The following VSTM2B variants were observed in gnomAD, a reference collection of about 807,000 sequenced individuals.
VSTM2B encodes the protein V-set and transmembrane domain containing 2B.
A neutral mutation model predicts 24.0 loss-of-function variants in VSTM2B; 24 were observed. The ratio of observed to expected loss-of-function variants is 1.00; its 90% CI spans 0.72 to 1.40. VSTM2B has a LOEUF of 1.40. VSTM2B is among the 40% of genes most tolerant of loss of function. VSTM2B has a pLI of 0.00. For missense variants in VSTM2B, 399 were observed against 416.4 expected, an observed-to-expected ratio of 0.96 and a Z score of 0.36; for synonymous variants, 226 against 194.4, an observed-to-expected ratio of 1.16 and a Z score of -1.35.
intron 3 of VSTM2B, chr19:29,529,159 G>A (rs997865489): frequency 6.7e-5 from 66 of 983,450 alleles, no homozygotes; most frequent in Admixed American, 1.2e-4. Context: ...TCCCCACCGG[G>A]GCGCAGGGGA....
chr19:29,527,167 C>A (rs1366376972), intron 1 of VSTM2B, 44 bp from the exon 2 acceptor site: 11 of 1,512,164 alleles, frequency 7.3e-6, no homozygotes, highest in Non-Finnish European at 9.8e-6. Context: ...CCCAGGCCCC[C>A]GACCTACAGC....
rs779679626 is a variant in VSTM2B, at chr19:29,564,133, T to G, written c.*199T>G. ...ATAATGCATCTAGTTTCCAAATAAT[T>G]TGGAGTTTGGCCCATGCAGTCTGCA... On this transcript the variant is annotated 3_prime_UTR_variant, in exon 5 of 5. Coordinates refer to ENST00000335523, the MANE Select transcript of VSTM2B (RefSeq NM_001146339.2). 1.9e-6 allele frequency: 1 copy of G among 532,540 alleles called. No individual in the cohort carries two copies. Among genetic ancestry groups the G allele is most frequent in the Non-Finnish European group, 3.4e-6 (1 of 297,176 alleles). 33.0% of individuals were successfully genotyped at this position (532,540 alleles called of 1,614,324 possible). A position where few individuals can be genotyped will look rare whatever the true frequency, so the allele number is the denominator to read the frequency against.
intron 4 of VSTM2B, among the ~76,000 whole-genome samples, chr19:29,539,731 C>T (rs1020942153): frequency 6.6e-6 from 1 of 152,256 alleles, no homozygotes; most frequent in Non-Finnish European, 1.5e-5. Flanking sequence ...AATAAAGGTG[C>T]CACTTGGCAC....
At position 29,529,885 on chromosome 19, in the gene VSTM2B, G is replaced by T. The variant is rs527457087; in HGVS notation, c.364G>T (p.Glu122Ter). ...LRLSAVRLQDEGVYECRVSDY... is the reference protein window; with the variant it reads ...LRLSAVRLQD ...GCTGTCTGCCGTGCGGCTGCAGGACGAGGGCGTGTACGAGTGCCGCGTGTC... is the reference window on the plus strand; with the variant it reads ...GCTGTCTGCCGTGCGGCTGCAGGACTAGGGCGTGTACGAGTGCCGCGTGTC... The change falls in exon 4 of 5, where the codon GAG (glutamate) becomes TAG (stop). Residue 122 changes from glutamate to a stop codon, truncating the protein, a stop_gained. Coordinates refer to ENST00000335523, the MANE Select transcript of VSTM2B (RefSeq NM_001146339.2). LOFTEE classifies it high-confidence loss of function. 2.6e-6 allele frequency: 4 copies of T among 1,550,402 alleles called. No individual in the cohort carries two copies. The South Asian group carries it at 3.6e-5, about 14-fold the overall frequency.
intron 4 of VSTM2B, among the ~76,000 whole-genome samples, chr19:29,562,881 G>T (rs1434094709): frequency 6.6e-6 from 1 of 152,156 alleles, no homozygotes; most frequent in Non-Finnish European, 1.5e-5. Flanking sequence ...CCAGGGGCCA[G>T]GTTATGATCA....
intron 4 of VSTM2B, among the ~76,000 whole-genome samples, chr19:29,530,509 T>C (rs1406958961): frequency 1.3e-5 from 2 of 152,184 alleles, no homozygotes; most frequent in Non-Finnish European, 2.9e-5. Context: ...TGATGTGCAT[T>C]TATGAATGGA....
At chr19:29,540,177 G>A (rs541655518) in intron 4 of VSTM2B, among the ~76,000 whole-genome samples, 16 of 152,262 alleles carry the variant, frequency 1.1e-4, no homozygotes, top group African/African-American at 3.1e-4. Flanking sequence ...CAGTCCGAGT[G>A]GGGGGTGGGG....
chr19:29,560,004 C>T (rs1317469309), intron 4 of VSTM2B, among the ~76,000 whole-genome samples: 1 of 152,142 alleles, frequency 6.6e-6, no homozygotes. Flanking sequence ...CAATTGAGGC[C>T]ATGTTGGTCT....
At chr19:29,560,452 C>A (rs985128482) in intron 4 of VSTM2B, among the ~76,000 whole-genome samples, 1 of 152,192 alleles carries the variant, frequency 6.6e-6, no homozygotes, top group African/African-American at 2.4e-5. Context: ...CCAGTGCCAG[C>A]CCACTGCACC....
rs181810732 is a variant in VSTM2B at position 29,539,328 on chromosome 19, G to C, written c.769+9038G>C. Among the ~76,000 whole-genome samples, 3 of 152,268 alleles carry C rather than the reference G, an allele frequency of 2.0e-5. No individual in the cohort carries two copies. In the East Asian group the frequency reaches 5.8e-4, roughly 29 times the overall value. ...GTGGCGCGGGCACTGTGATGTGAGG[G>C]GGTAGGGCCTTTCGGGTGGCAAGGA... On this transcript the variant is annotated intron_variant, in intron 4 of 4. Transcript: ENST00000335523.
intron 4 of VSTM2B, among the ~76,000 whole-genome samples, chr19:29,561,347 G>T (rs1970520221): frequency 6.6e-6 from 1 of 151,894 alleles, no homozygotes; most frequent in Non-Finnish European, 1.5e-5. Flanking sequence ...AAAAAGGCCA[G>T]GCGTGGTGAC....
In VSTM2B at chr19:29,526,934, G is replaced by A. The variant is rs141447927; in HGVS notation, c.82+269G>A. 5,916 of 463,214 alleles carry A rather than the reference G, an allele frequency of 0.013. 53 individuals carry two copies. Among genetic ancestry groups the A allele is most frequent in the Middle Eastern group, 0.022 (38 of 1,752 alleles). 28.7% of individuals were successfully genotyped at this position (463,214 alleles called of 1,614,324 possible). On this transcript the variant is annotated intron_variant, in intron 1 of 4. Transcript: ENST00000335523. The surrounding 1 kb of genome is among the most constrained non-coding windows in gnomAD (Gnocchi z 4.1). Reference sequence around the variant, plus strand: ...GCGGGAGTAGGCGCGCCCCAGCCAGGCTCTGGCGGTGCGGCCAGGGGCGGG... The same window carrying A: ...GCGGGAGTAGGCGCGCCCCAGCCAGACTCTGGCGGTGCGGCCAGGGGCGGG...
intron 4 of VSTM2B, among the ~76,000 whole-genome samples, chr19:29,557,735 A>G (rs1472614288): frequency 1.3e-5 from 2 of 152,096 alleles, no homozygotes; most frequent in Non-Finnish European, 2.9e-5. Context: ...AAAACCCAAA[A>G]CTATAAAAAC....
intron 4 of VSTM2B, among the ~76,000 whole-genome samples, chr19:29,530,903 G>A (rs1013103042): frequency 1.3e-5 from 2 of 151,878 alleles, no homozygotes; most frequent in Admixed American, 6.6e-5. Context: ...TGGGGTGGGG[G>A]CAGTAAGGAC....
intron 4 of VSTM2B, among the ~76,000 whole-genome samples, chr19:29,543,338 G>T (rs1053228204): frequency 6.6e-6 from 1 of 152,216 alleles, no homozygotes; most frequent in African/African-American, 2.4e-5. Context: ...ACATGTTATA[G>T]AATTTTCAGA....
chr19:29,557,716 C>T (rs1257978523), intron 4 of VSTM2B, among the ~76,000 whole-genome samples: 1 of 150,820 alleles, frequency 6.6e-6, no homozygotes, highest in African/African-American at 2.4e-5. Context: ...AAAAAAAAGA[C>T]TTAAATGTAA....
At chr19:29,545,284 T>A (rs1288121175) in intron 4 of VSTM2B, among the ~76,000 whole-genome samples, 1 of 151,690 alleles carries the variant, frequency 6.6e-6, no homozygotes. Flanking sequence ...CCTGGGAACT[T>A]GGGGAGCAGG....
chr19:29,527,462 A>C (rs35089309), intron 2 of VSTM2B, 67 bp downstream of exon 2: 3 of 1,355,982 alleles, frequency 2.2e-6, no homozygotes, highest in South Asian at 3.3e-5. Flanking sequence ...AGGCTAACCC[A>C]GGGAGGGAAG....
intron 4 of VSTM2B, among the ~76,000 whole-genome samples, chr19:29,554,494 T>C (rs1970363142): frequency 6.6e-6 from 1 of 152,166 alleles, no homozygotes. Context: ...AATGACACTA[T>C]GAAGCAACTA....
Sources: gnomAD v4.1 joint callset for allele counts (sites outside exome capture counted in the v4.1 genomes callset) on GRCh38, gnomAD v4.1.1 for gene constraint, Gnocchi (gnomAD v3.1) non-coding constraint, MANE v1.5 for transcripts, NCBI Gene and HGNC (gene_info 2026-07-23, HGNC 2026-07-21) for gene names.